Variants in MANSC4 observed in about 807,000 individuals in gnomAD.
MANSC4 encodes the protein MANSC domain containing 4.
Under a neutral mutation model 11.4 loss-of-function variants are expected in MANSC4, and 11 were observed. That is an observed-to-expected ratio of 0.97 (90% CI 0.61 to 1.60). The LOEUF (loss-of-function observed/expected upper bound fraction) is 1.60. Among genes scored for constraint, MANSC4 ranks in the 40% most tolerant of loss-of-function variants. MANSC4 has a pLI of 0.00. For synonymous variants in MANSC4, 123 were observed against 147.1 expected (o/e 0.84, Z 1.19); for missense variants, 354 against 404.6 (o/e 0.88, Z 1.07).
In MANSC4 at chr12:27,763,004, T is replaced by C; in HGVS notation, c.757A>G (p.Asn253Asp). The part of the protein sequence containing the change: ...LSHMPVPPGL[N>D]SSKQLLNKTK... ...TTGTTTAGTAATTGTTTGCTACTGT[T>C]GAGTCCAGGTGGAACAGGCATATGA... Residue 253 changes from asparagine to aspartate, a missense_variant, in exon 4 of 4, where the codon AAC (asparagine) becomes GAC (aspartate). By Grantham distance (23) the Asn-to-Asp change is conservative. Transcript: ENST00000381273. The C allele has an allele frequency of 4.5e-6, 7 of 1,551,774 alleles. No individual in the cohort carries two copies. The highest frequency in any genetic ancestry group is 6.1e-6 in the Non-Finnish European group (7 of 1,147,026).
intron 2 of MANSC4, among the ~76,000 whole-genome samples, chr12:27,767,570 G>A (rs1281236288): frequency 6.6e-6 from 1 of 152,102 alleles, no homozygotes; most frequent in Admixed American, 6.6e-5. Context: ...AGGCGTGGTG[G>A]CGCATTCCTG....
intron 3 of MANSC4, among the ~76,000 whole-genome samples, chr12:27,764,050 C>T (rs2062060551): frequency 6.6e-6 from 1 of 152,048 alleles, no homozygotes; most frequent in African/African-American, 2.4e-5. Context: ...ATCTTTAAAT[C>T]AAGTTAAGCA....
Position 27,780,105 on chromosome 12 carries a change from T to G in MANSC4, c.-307+105A>C. 5.7e-6 allele frequency: 1 copy of G among 175,940 alleles called. No homozygotes were observed. 10.9% of individuals were successfully genotyped at this position (175,940 alleles called of 1,614,324 possible). A position where few individuals can be genotyped will look rare whatever the true frequency, so the allele number is the denominator to read the frequency against. On this transcript the variant is annotated intron_variant, in intron 1 of 3. Transcript: ENST00000381273. The surrounding 1 kb of genome is among the most constrained non-coding windows in gnomAD (Gnocchi z 8.8). ...CGCCCGCCGCGCTCCGCCGGCCCTT[T>G]TTTGGCGCTGAGGGAAAGGAGAAGG...
At position 27,763,654 on chromosome 12, in the gene MANSC4, G is replaced by A. The variant is rs1698088253; in HGVS notation, c.365-258C>T. Among the ~76,000 whole-genome samples, 4 of 151,974 alleles carry A rather than the reference G, an allele frequency of 2.6e-5. No individual in the cohort carries two copies. The South Asian group carries it at 8.3e-4, about 32-fold the overall frequency. On this transcript the variant is annotated intron_variant, in intron 3 of 3. Coordinates refer to ENST00000381273, the MANE Select transcript of MANSC4 (RefSeq NM_001146221.5). ...AGGAGAAGGCTTTGTGTCTGTCAGG[G>A]TTTTTGTACAATAGCGAGTGTTACT...
rs2062138469 is a variant in MANSC4, at chr12:27,780,163, G to A, written c.-307+47C>T. The A allele has an allele frequency of 3.2e-6, 1 of 311,516 alleles. No homozygotes were observed. Among genetic ancestry groups the A allele is most frequent in the Non-Finnish European group, 5.3e-6 (1 of 188,398 alleles). The allele number at this position is 311,516 out of a possible 1,614,324, so 19.3% of individuals were successfully genotyped here. On this transcript the variant is annotated intron_variant, in intron 1 of 3. Transcript: ENST00000381273. This position sits in a 1 kb window ranked among gnomAD's most constrained non-coding sequence, Gnocchi z 8.8. ...CGCCGCCTCGCGGGAGCGGGCCCCG[G>A]GAGGAGGGGCCGCCGGAGAGGCCGG... is the stretch of plus-strand genomic sequence containing the variant.
At chr12:27,777,213 T>A (rs1372401797) in intron 1 of MANSC4, among the ~76,000 whole-genome samples, 1 of 152,218 alleles carries the variant, frequency 6.6e-6, no homozygotes, top group African/African-American at 2.4e-5. Context: ...TCTTTGAGCA[T>A]GATTTTTTTG....
chr12:27,764,321 G>A (rs147849010), intron 3 of MANSC4, among the ~76,000 whole-genome samples: 1,794 of 152,164 alleles, frequency 0.012, 103 homozygotes, highest in Admixed American at 0.1. Context: ...GCCAGCATCC[G>A]TTGCTTCTGA....
intron 2 of MANSC4, among the ~76,000 whole-genome samples, chr12:27,770,034 A>G (rs1045565857): frequency 2.0e-5 from 3 of 152,246 alleles, no homozygotes; most frequent in African/African-American, 7.2e-5. Context: ...TATGAGGAAT[A>G]TTTGGAAATA....
At chr12:27,775,291 G>A (rs913362041) in intron 1 of MANSC4, among the ~76,000 whole-genome samples, 4 of 151,974 alleles carry the variant, frequency 2.6e-5, no homozygotes, top group African/African-American at 9.7e-5. Flanking sequence ...CAAACCAATG[G>A]TCTTGGCTGG....
chr12:27,777,384 A>G (rs948072093), intron 1 of MANSC4, among the ~76,000 whole-genome samples: 82 of 152,330 alleles, frequency 5.4e-4, no homozygotes, highest in Middle Eastern at 3.4e-3. Flanking sequence ...CGGTTGAGGC[A>G]TAGAAAAATC....
chr12:27,766,614 A>C lies in MANSC4; in HGVS notation c.364+51T>G, dbSNP rs540758944. The C allele has an allele frequency of 4.6e-6, 7 of 1,531,232 alleles. No homozygotes were observed. In the African/African-American group the frequency reaches 8.3e-5, roughly 18 times the overall value. The allele number at this position is 1,531,232 out of a possible 1,614,324, so 94.9% of individuals were successfully genotyped here. ...GCCAGTTTCTCAGCTATATGCCTCT[A>C]CTAGAATATCGCCAGCATTCTTTTA... On this transcript the variant is annotated intron_variant, in intron 3 of 3. Transcript: ENST00000381273.
intron 1 of MANSC4, among the ~76,000 whole-genome samples, chr12:27,778,908 G>A (rs2062130753): frequency 6.6e-6 from 1 of 152,162 alleles, no homozygotes; most frequent in Non-Finnish European, 1.5e-5. Context: ...TCGCTCTGTC[G>A]CCCAGGCTGG....
chr12:27,773,228 A>C (rs1443099214), intron 1 of MANSC4, among the ~76,000 whole-genome samples: 2 of 152,222 alleles, frequency 1.3e-5, no homozygotes, highest in Non-Finnish European at 2.9e-5. Context: ...TAAGAAACAA[A>C]AAACAAACAA....
At chr12:27,773,957 G>A (rs573275897) in intron 1 of MANSC4, among the ~76,000 whole-genome samples, 1 of 152,232 alleles carries the variant, frequency 6.6e-6, no homozygotes, top group South Asian at 2.1e-4. Context: ...AGACAAATGT[G>A]GCCAATATGG....
intron 1 of MANSC4, among the ~76,000 whole-genome samples, chr12:27,771,975 A>G (rs1472540482): frequency 9.2e-5 from 14 of 152,104 alleles, no homozygotes; most frequent in Non-Finnish European, 1.9e-4. Context: ...CCTGGGAGGT[A>G]GAGGTTGCAG....
chr12:27,766,578 G>A, intron 3 of MANSC4, 87 bp downstream of exon 3: 1 of 1,383,740 alleles, frequency 7.2e-7, no homozygotes, highest in South Asian at 1.5e-5. Context: ...ACTCACATAT[G>A]GCTATTGCCA....
In MANSC4 at chr12:27,763,274, T is replaced by C. The variant is rs1379700895; in HGVS notation, c.487A>G (p.Thr163Ala). ...KAMNLDKQTT[T>A]INGMLPSTEA... Reference sequence around the variant, plus strand: ...GTGGATGGCAGCATACCATTTATCGTGGTGGTTTGTTTATCTAAATTCATA... The same window carrying C: ...GTGGATGGCAGCATACCATTTATCGCGGTGGTTTGTTTATCTAAATTCATA... The change falls in exon 4 of 4, where the codon ACG (threonine) becomes GCG (alanine). Residue 163 changes from threonine (T) to alanine (A), a missense_variant. Physicochemically the swap from Thr to Ala is moderately conservative, Grantham distance 58. Transcript: ENST00000381273. 1 of 1,551,732 alleles carries C rather than the reference T, an allele frequency of 6.4e-7. No homozygotes were observed. Among genetic ancestry groups the C allele is most frequent in the Non-Finnish European group, 8.7e-7 (1 of 1,147,008 alleles).
chr12:27,769,468 T>C (rs886603066), intron 2 of MANSC4, among the ~76,000 whole-genome samples: 1 of 152,174 alleles, frequency 6.6e-6, no homozygotes, highest in African/African-American at 2.4e-5. Flanking sequence ...GATTGCCCTA[T>C]ACGCTTACAG....
intron 1 of MANSC4, among the ~76,000 whole-genome samples, chr12:27,775,443 G>A (rs2140805403): frequency 6.6e-6 from 1 of 152,286 alleles, no homozygotes; most frequent in South Asian, 2.1e-4. Flanking sequence ...GCCGGTTGAG[G>A]TGGGGCCCAT....
Sources: allele counts gnomAD v4.1 joint callset (sites outside exome capture counted in the v4.1 genomes callset), GRCh38; gene constraint gnomAD v4.1.1; non-coding constraint Gnocchi (gnomAD v3.1); transcripts MANE v1.5; gene names NCBI Gene and HGNC (gene_info 2026-07-23, HGNC 2026-07-21).